The following DLD variants were observed in gnomAD, a reference collection of about 807,000 sequenced individuals.
DLD encodes dihydrolipoyl dehydrogenase, mitochondrial.
A neutral mutation model predicts 62.2 loss-of-function variants in DLD; 36 were observed. The ratio of observed to expected loss-of-function variants is 0.58; its 90% CI spans 0.44 to 0.76. The LOEUF is 0.76. DLD is among the 30% of genes least tolerant of loss of function. DLD has a pLI of 0.00. For missense variants in DLD, 541 were observed against 608.6 expected, an observed-to-expected ratio of 0.89 and a Z score of 1.17; for synonymous variants, 204 against 199.6, an observed-to-expected ratio of 1.02 and a Z score of -0.19.
At chr7:107,891,614 G>A in intron 1 of DLD, 1 of 527,582 alleles carries the variant, frequency 1.9e-6, no homozygotes. Flanking sequence ...TGGAGGAAGT[G>A]TAAGCCACCC....
At chr7:107,904,690 G>A in intron 5 of DLD, 1 of 546,888 alleles carries the variant, frequency 1.8e-6, no homozygotes, top group Non-Finnish European at 3.5e-6. Flanking sequence ...AGTGTTCAGA[G>A]GATATGTTAT....
intron 1 of DLD, among the ~76,000 whole-genome samples, chr7:107,892,226 G>A (rs1033526371): frequency 1.3e-5 from 2 of 152,162 alleles, no homozygotes; most frequent in Non-Finnish European, 2.9e-5. Flanking sequence ...TTATTTGCTT[G>A]CTTGCTTTCT....
Position 107,904,948 on chromosome 7 carries a change from C to G in DLD, c.338-10C>G. On this transcript the variant is annotated splice_polypyrimidine_tract_variant and intron_variant, in intron 5 of 13. Coordinates refer to ENST00000205402, the MANE Select transcript of DLD (RefSeq NM_000108.5). ...AGCTAAGAACTAAAGATTAATTGAA[C>G]AAATTACAGTGTCCGAAGTTCGCTT... The G allele has an allele frequency of 1.2e-6, 2 of 1,601,440 alleles. No homozygotes were observed. Among genetic ancestry groups the G allele is most frequent in the Non-Finnish European group, 1.7e-6 (2 of 1,169,684 alleles).
chr7:107,899,166 C>T (rs2031812782), intron 2 of DLD, among the ~76,000 whole-genome samples: 1 of 151,926 alleles, frequency 6.6e-6, no homozygotes, highest in Non-Finnish European at 1.5e-5. Context: ...GTGTATACTT[C>T]CCCTAAATAC....
In DLD at chr7:107,917,913, G is replaced by C; in HGVS notation, c.1237-11G>C. The C allele has an allele frequency of 6.2e-7, 1 of 1,613,670 alleles. No individual in the cohort carries two copies. ...GCAGTTACGTAGATTCTTTTTTTCT[G>C]ACTGTCACAGGGTATTGAGTACAAA... On this transcript the variant is annotated splice_polypyrimidine_tract_variant and intron_variant, in intron 11 of 13. Transcript: ENST00000205402.
Position 107,917,925 on chromosome 7 carries a change from G to A in DLD, c.1238G>A (p.Gly413Asp). 1 of 1,613,992 alleles carries A rather than the reference G, an allele frequency of 6.2e-7. No individual in the cohort carries two copies. ...GKSEEQLKEEGIEYKVGKFPF... is the reference protein window; with the variant it reads ...GKSEEQLKEEDIEYKVGKFPF... Reference sequence around the variant, plus strand: ...ATTCTTTTTTTCTGACTGTCACAGGGTATTGAGTACAAAGTTGGGAAATTC... The same window carrying A: ...ATTCTTTTTTTCTGACTGTCACAGGATATTGAGTACAAAGTTGGGAAATTC... The change falls in exon 12 of 14, where the codon GGT becomes GAT. Residue 413 changes from glycine to aspartate, a missense_variant and splice_region_variant. Coordinates refer to ENST00000205402, the MANE Select transcript of DLD (RefSeq NM_000108.5).
At chr7:107,910,681 G>A (rs2032118540) in intron 8 of DLD, among the ~76,000 whole-genome samples, 1 of 152,144 alleles carries the variant, frequency 6.6e-6, no homozygotes, top group African/African-American at 2.4e-5. Context: ...TCATCAAAAA[G>A]GGGATAAAAA....
In DLD at chr7:107,918,045, C is replaced by T; in HGVS notation, c.1358C>T (p.Ala453Val). ...GQKSTDRVLG[A>V]HILGPGAGEM... Reference sequence around the variant, plus strand: ...AAATCGACAGACAGAGTACTGGGAGCACATATTCTTGGACCAGTGAGTATT... The same window carrying T: ...AAATCGACAGACAGAGTACTGGGAGTACATATTCTTGGACCAGTGAGTATT... Residue 453 changes from alanine (A) to valine (V), a missense_variant, in exon 12 of 14, where the codon GCA (alanine) becomes GTA (valine). Transcript: ENST00000205402. 1.9e-6 allele frequency: 3 copies of T among 1,613,938 alleles called. No individual in the cohort carries two copies. Among genetic ancestry groups the T allele is most frequent in the East Asian group, 2.2e-5 (1 of 44,874 alleles).
At chr7:107,897,406 G>GCCC in intron 2 of DLD, among the ~76,000 whole-genome samples, 1 of 151,968 alleles carries the variant, frequency 6.6e-6, no homozygotes. Flanking sequence ...TAGTTGTGTA[G>GCCC]CCTTATGCAA....
rs759995075 is a variant in DLD at position 107,906,318 on chromosome 7, G to A, written c.634G>A (p.Val212Ile). 1 of 1,611,162 alleles carries A rather than the reference G, an allele frequency of 6.2e-7. No individual in the cohort carries two copies. The highest frequency in any genetic ancestry group is 8.5e-7 in the Non-Finnish European group (1 of 1,177,432). The change falls in exon 8 of 14, where the codon GTT becomes ATT. Residue 212 changes from valine to isoleucine, a missense_variant. Val to Ile is a conservative substitution (Grantham distance 29). Coordinates refer to ENST00000205402, the MANE Select transcript of DLD (RefSeq NM_000108.5). ...SSTGALSLKK[V>I]PEKMVVIGAG... ...TACAGGTGCTTTATCTTTAAAAAAA[G>A]TTCCAGAAAAGATGGTTGTTATTGG...
chr7:107,906,602 A>T (rs181998042), intron 8 of DLD, among the ~76,000 whole-genome samples: 1 of 152,160 alleles, frequency 6.6e-6, no homozygotes, highest in Admixed American at 6.5e-5. Flanking sequence ...CCACCCTTCC[A>T]TTTCCTAGAA....
chr7:107,895,805 A>G (rs190037915), intron 2 of DLD, among the ~76,000 whole-genome samples: 166 of 152,348 alleles, frequency 1.1e-3, no homozygotes, highest in African/African-American at 3.9e-3. Context: ...CTCTCGTTAC[A>G]GGTTGGACCT....
chr7:107,906,615 G>T (rs1166359157), intron 8 of DLD, among the ~76,000 whole-genome samples: 1 of 152,010 alleles, frequency 6.6e-6, no homozygotes, highest in Non-Finnish European at 1.5e-5. Flanking sequence ...TCCTAGAACT[G>T]GTCGAATTCT....
rs1255330543 is a variant in DLD at position 107,920,270 on chromosome 7, C to T, written c.*1011C>T. 6.6e-6 allele frequency: 1 copy of T among 152,244 alleles called. No individual in the cohort carries two copies. Among genetic ancestry groups the T allele is most frequent in the Non-Finnish European group, 1.5e-5 (1 of 68,012 alleles). 9.4% of individuals were successfully genotyped at this position (152,244 alleles called of 1,614,324 possible). ...TTGGATGTGTGGTGTTTAAAATGGC[C>T]ATGTCCTGAGGAAACTTAAGTAACA... On this transcript the variant is annotated 3_prime_UTR_variant, in exon 14 of 14. Coordinates refer to ENST00000205402, the MANE Select transcript of DLD (RefSeq NM_000108.5).
At position 107,901,751 on chromosome 7, in the gene DLD, A is replaced by G; in HGVS notation, c.132A>G (p.Val44=). 6.2e-7 allele frequency: 1 copy of G among 1,613,516 alleles called. No individual in the cohort carries two copies. The highest frequency in any genetic ancestry group is 1.3e-5 in the African/African-American group (1 of 75,026). The change falls in exon 3 of 14, where the codon GTA becomes GTG. Residue 44 remains valine (V), a synonymous_variant. Coordinates refer to ENST00000205402, the MANE Select transcript of DLD (RefSeq NM_000108.5). Reference sequence around the variant, plus strand: ...CTTTTATCGTAGTTGATGCTGATGTAACAGTTATAGGTTCTGGTCCTGGAG... The same window carrying G: ...CTTTTATCGTAGTTGATGCTGATGTGACAGTTATAGGTTCTGGTCCTGGAG... ...TYADQPIDAD[V]TVIGSGPGGY...
At chr7:107,911,032 A>G (rs1019877211) in intron 8 of DLD, among the ~76,000 whole-genome samples, 1 of 152,160 alleles carries the variant, frequency 6.6e-6, no homozygotes, top group South Asian at 2.1e-4. Flanking sequence ...CCCATTTAAA[A>G]TGTACAATTC....
rs1382809573 is a variant in DLD, at chr7:107,903,906, G to GAGGA, written c.337+371_337+374dup. The GAGGA allele has an allele frequency of 4.0e-5, 8 of 199,682 alleles. No individual in the cohort carries two copies. The East Asian group carries it at 8.9e-4, about 22-fold the overall frequency. 12.4% of individuals were successfully genotyped at this position (199,682 alleles called of 1,614,324 possible). ...GATTCCTGAGTACTATGGGGAGATAGAGGAAGGAAGGAAGGCCCACTTAAG... is the reference window on the plus strand; with the variant it reads ...GATTCCTGAGTACTATGGGGAGATAGAGGAAGGAAGGAAGGAAGGCCCACTTAAG... On this transcript the variant is annotated intron_variant, in intron 5 of 13. Transcript: ENST00000205402.
At chr7:107,913,736 C>G (rs775051844) in intron 8 of DLD, among the ~76,000 whole-genome samples, 1 of 151,996 alleles carries the variant, frequency 6.6e-6, no homozygotes, top group Non-Finnish European at 1.5e-5. Flanking sequence ...TTCTCCTCTA[C>G]AATTGCTGAG....
Position 107,916,884 on chromosome 7 carries a change from G to C in DLD, c.966G>C (p.Leu322Phe). ...CIGRRPFTKN[L>F]GLEELGIELD... Reference sequence around the variant, plus strand: ...GCCGACGACCCTTTACTAAGAATTTGGGACTAGAAGAGCTGGGAATTGAAC... The same window carrying C: ...GCCGACGACCCTTTACTAAGAATTTCGGACTAGAAGAGCTGGGAATTGAAC... The change falls in exon 10 of 14, where the codon TTG becomes TTC. Residue 322 changes from leucine to phenylalanine, a missense_variant. Leu to Phe is a conservative substitution (Grantham distance 22, BLOSUM62 0). Coordinates refer to ENST00000205402, the MANE Select transcript of DLD (RefSeq NM_000108.5). The C allele has an allele frequency of 6.2e-7, 1 of 1,613,336 alleles. No homozygotes were observed.
Sources: allele counts gnomAD v4.1 joint callset (sites outside exome capture counted in the v4.1 genomes callset), GRCh38; gene constraint gnomAD v4.1.1; transcripts MANE v1.5; gene names NCBI Gene and HGNC (gene_info 2026-07-23, HGNC 2026-07-21).